SLCO1B3: variants seen among roughly 807,000 people sequenced by gnomAD.
SLCO1B3 encodes solute carrier organic anion transporter family member 1B3, also known as liver-specific organic anion transporter 2.
In SLCO1B3, 72 loss-of-function variants were observed where a neutral mutation model predicts 71.8. The ratio of observed to expected loss-of-function variants is 1.00; its 90% CI spans 0.83 to 1.22. The LOEUF is 1.22. Among genes scored for constraint, SLCO1B3 ranks in the 50% most tolerant of loss-of-function variants. SLCO1B3 has a pLI of 0.00. For synonymous variants in SLCO1B3, 298 were observed against 278.4 expected (o/e 1.07, Z -0.70); for missense variants, 911 against 819.7 (o/e 1.11, Z -1.36).
chr12:20,824,040 A>G (rs1565578239), intron 3 of SLCO1B3, among the ~76,000 whole-genome samples: 1 of 152,230 alleles, frequency 6.6e-6, no homozygotes, highest in Non-Finnish European at 1.5e-5. Context: ...TTATATTGCC[A>G]TAAATTGAGA....
rs559589243 is a variant in SLCO1B3, at chr12:20,894,681, C to A, written c.1683-3755C>A. On this transcript the variant is annotated intron_variant, in intron 13 of 15. Transcript: ENST00000381545. ...CAACCAGGGTTGAAGTGCAATCTCTCCCTTCCCAAAATCTCCTTTGAGAAA... is the reference window on the plus strand; with the variant it reads ...CAACCAGGGTTGAAGTGCAATCTCTACCTTCCCAAAATCTCCTTTGAGAAA... Among the ~76,000 whole-genome samples, 9 of 152,312 alleles carry A rather than the reference C, an allele frequency of 5.9e-5. No individual in the cohort carries two copies. The East Asian group carries it at 1.7e-3, about 29-fold the overall frequency.
chr12:20,876,751 C>T (rs980859460), intron 9 of SLCO1B3, among the ~76,000 whole-genome samples: 1 of 152,126 alleles, frequency 6.6e-6, no homozygotes, highest in Non-Finnish European at 1.5e-5. Context: ...TGTAGTTTAA[C>T]ATGCATACTA....
At chr12:20,895,896 C>T (rs961106835) in intron 13 of SLCO1B3, among the ~76,000 whole-genome samples, 4 of 152,186 alleles carry the variant, frequency 2.6e-5, no homozygotes, top group Non-Finnish European at 5.9e-5. Flanking sequence ...GAAATCTAGG[C>T]AGAGGTTCCC....
At chr12:20,814,280 T>C (rs1368116371) in intron 2 of SLCO1B3, among the ~76,000 whole-genome samples, 1 of 152,148 alleles carries the variant, frequency 6.6e-6, no homozygotes, top group Non-Finnish European at 1.5e-5. Context: ...TTAATAACTC[T>C]GAAACTTATG....
intron 4 of SLCO1B3, among the ~76,000 whole-genome samples, chr12:20,858,030 A>G (rs953257531): frequency 2.1e-4 from 32 of 151,688 alleles, no homozygotes; most frequent in African/African-American, 7.5e-4. Flanking sequence ...ATTTTTTTTT[A>G]TATTTCTGAC....
chr12:20,872,614 G>T (rs1164086462), intron 8 of SLCO1B3, among the ~76,000 whole-genome samples: 1 of 151,986 alleles, frequency 6.6e-6, no homozygotes, highest in Non-Finnish European at 1.5e-5. Flanking sequence ...TACCACTGCT[G>T]GTTATTTAGG....
At chr12:20,813,438 G>C (rs1864140224) in intron 1 of SLCO1B3, 86 bp from the exon 2 acceptor site, 1 of 152,208 alleles carries the variant, frequency 6.6e-6, no homozygotes, top group Non-Finnish European at 1.5e-5. Context: ...TCCAGTTGAA[G>C]TGGAACAAAG....
intron 3 of SLCO1B3, among the ~76,000 whole-genome samples, chr12:20,817,753 A>G (rs1171054941): frequency 6.7e-6 from 1 of 148,274 alleles, no homozygotes; most frequent in Non-Finnish European, 1.5e-5. Flanking sequence ...ACACCCAGCT[A>G]ATTTTTTTTT....
At chr12:20,833,477 C>G (rs1864588037) in intron 3 of SLCO1B3, among the ~76,000 whole-genome samples, 1 of 148,682 alleles carries the variant, frequency 6.7e-6, no homozygotes, top group African/African-American at 2.5e-5. Flanking sequence ...AATATATACA[C>G]ACATATACAC....
intron 15 of SLCO1B3, chr12:20,901,947 G>A: frequency 2.4e-6 from 1 of 424,058 alleles, no homozygotes; most frequent in South Asian, 1.7e-5. Context: ...TTATCTGGAA[G>A]AAACAAAAAG....
chr12:20,839,161 A>G, intron 3 of SLCO1B3, among the ~76,000 whole-genome samples: 3 of 152,124 alleles, frequency 2.0e-5, no homozygotes, highest in Non-Finnish European at 4.4e-5. Flanking sequence ...AATCAAATAC[A>G]TTATAGATAT....
At chr12:20,820,168 T>C (rs1864266672) in intron 3 of SLCO1B3, among the ~76,000 whole-genome samples, 1 of 151,970 alleles carries the variant, frequency 6.6e-6, no homozygotes, top group African/African-American at 2.4e-5. Context: ...GTAGCCTCCA[T>C]ATTGATTAAG....
chr12:20,883,348 A>G, intron 12 of SLCO1B3, 70 bp from the exon 13 acceptor site: 1 of 843,870 alleles, frequency 1.2e-6, no homozygotes, highest in Middle Eastern at 3.8e-4. Flanking sequence ...CTTTAAATAT[A>G]ATGGAATGTA....
chr12:20,875,386 A>T lies in SLCO1B3; in HGVS notation c.879A>T (p.Ser293=). The T allele has an allele frequency of 6.2e-7, 1 of 1,612,352 alleles. No homozygotes were observed. The change falls in exon 9 of 16, where the codon TCA becomes TCT. Residue 293 remains serine, a synonymous_variant. Coordinates refer to ENST00000381545, the MANE Select transcript of SLCO1B3 (RefSeq NM_019844.4). ...AACCACAAAAAGAAAGAAAAATTTCACTATCATTGCATGTGCTGAAAACAA... is the reference window on the plus strand; with the variant it reads ...AACCACAAAAAGAAAGAAAAATTTCTCTATCATTGCATGTGCTGAAAACAA... ...PNKPQKERKI[S]LSLHVLKTND...
At chr12:20,853,887 C>T (rs1865074194) in intron 3 of SLCO1B3, among the ~76,000 whole-genome samples, 1 of 142,490 alleles carries the variant, frequency 7.0e-6, no homozygotes, top group Non-Finnish European at 1.5e-5. Context: ...CACTGCATCA[C>T]ATAAGTTTTG....
At chr12:20,896,281 C>T (rs1866005331) in intron 13 of SLCO1B3, among the ~76,000 whole-genome samples, 1 of 152,176 alleles carries the variant, frequency 6.6e-6, no homozygotes, top group South Asian at 2.1e-4. Flanking sequence ...GTTTTCTTTT[C>T]TATCACATTG....
chr12:20,870,041 G>A (rs1051542265), intron 8 of SLCO1B3, among the ~76,000 whole-genome samples: 6 of 152,054 alleles, frequency 3.9e-5, no homozygotes, highest in Non-Finnish European at 8.8e-5. Context: ...TGGGTGTATG[G>A]TGATACGTAA....
chr12:20,826,233 T>TC (rs1207320471), intron 3 of SLCO1B3, among the ~76,000 whole-genome samples: 1 of 151,688 alleles, frequency 6.6e-6, no homozygotes, highest in East Asian at 1.9e-4. Context: ...GGTAAAACTT[T>TC]TTTTTTATAA....
chr12:20,820,880 C>T (rs1864287964), intron 3 of SLCO1B3, among the ~76,000 whole-genome samples: 1 of 152,080 alleles, frequency 6.6e-6, no homozygotes, highest in Non-Finnish European at 1.5e-5. Context: ...CTTGACTATG[C>T]CTTTGGCTCC....
Sources: gnomAD v4.1 joint callset for allele counts (sites outside exome capture counted in the v4.1 genomes callset) on GRCh38, gnomAD v4.1.1 for gene constraint, MANE v1.5 for transcripts, NCBI Gene and HGNC (gene_info 2026-07-23, HGNC 2026-07-21) for gene names.